Variants in MIPOL1 observed in about 807,000 individuals in gnomAD.
MIPOL1 encodes the protein mirror-image polydactyly gene 1 protein.
In MIPOL1, 57 loss-of-function variants were observed where a neutral mutation model predicts 60.9. The observed-to-expected ratio is 0.94, with a 90% CI of 0.76 to 1.17. The LOEUF (loss-of-function observed/expected upper bound fraction) is 1.17. MIPOL1 is among the 50% of genes most tolerant of loss of function. The pLI, the probability that MIPOL1 is intolerant of heterozygous loss-of-function variation, is 0.00. For missense variants in MIPOL1, 551 were observed against 511.6 expected, an observed-to-expected ratio of 1.08 and a Z score of -0.74; for synonymous variants, 179 against 168.8, an observed-to-expected ratio of 1.06 and a Z score of -0.47.
At chr14:37,235,121 CT>C (rs1249280821) in intron 1 of MIPOL1, among the ~76,000 whole-genome samples, 1 of 152,022 alleles carries the variant, frequency 6.6e-6, no homozygotes, top group East Asian at 1.9e-4. Flanking sequence ...TGTTCCCAAA[CT>C]TTTTTTCATG....
At chr14:37,392,841 T>G (rs1271564258) in intron 10 of MIPOL1, among the ~76,000 whole-genome samples, 3 of 152,160 alleles carry the variant, frequency 2.0e-5, no homozygotes, top group Non-Finnish European at 4.4e-5. Context: ...ATTAAAGAAA[T>G]TAAAGTCTTG....
rs540117016 is a variant in MIPOL1 at position 37,497,812 on chromosome 14, T to A, written c.1032-2096T>A. Among the ~76,000 whole-genome samples, 4 of 152,324 alleles carry A rather than the reference T, an allele frequency of 2.6e-5. No individual in the cohort carries two copies. The South Asian group carries it at 6.2e-4, about 24-fold the overall frequency. ...GGATATAAAGCAATTGAAACTCATA[T>A]TTTGCTGATGGGAGTACAAATTGGT... On this transcript the variant is annotated intron_variant, in intron 11 of 12. Coordinates refer to ENST00000684589, the MANE Select transcript of MIPOL1 (RefSeq NM_001388067.1).
At chr14:37,350,277 G>C (rs1021559893) in intron 9 of MIPOL1, among the ~76,000 whole-genome samples, 1 of 152,060 alleles carries the variant, frequency 6.6e-6, no homozygotes, top group Non-Finnish European at 1.5e-5. Flanking sequence ...TGGTGTCTTG[G>C]AAGGTTCCCT....
intron 11 of MIPOL1, among the ~76,000 whole-genome samples, chr14:37,492,971 T>C (rs963279929): frequency 5.3e-5 from 8 of 152,218 alleles, no homozygotes; most frequent in African/African-American, 1.9e-4. Flanking sequence ...TCTATATTGT[T>C]GTACCTCATC....
Position 37,369,589 on chromosome 14 carries a change from C to T in MIPOL1, c.901C>T (p.Leu301=), listed in dbSNP as rs1334800399. 1 of 1,613,172 alleles carries T rather than the reference C, an allele frequency of 6.2e-7. No individual in the cohort carries two copies. Among genetic ancestry groups the T allele is most frequent in the South Asian group, 1.1e-5 (1 of 91,068 alleles). ...GACTTCAGCAAACAACATGAGACAT[C>T]TGACTGCTGAAAACAATCAAGAACG... ...NQTSANNMRH[L]TAENNQERAL... The change falls in exon 10 of 13, where the codon CTG becomes TTG. Residue 301 remains leucine (L), a synonymous_variant. Transcript: ENST00000684589.
At chr14:37,363,117 T>C (rs564669583) in intron 9 of MIPOL1, among the ~76,000 whole-genome samples, 2 of 152,164 alleles carry the variant, frequency 1.3e-5, no homozygotes, top group African/African-American at 2.4e-5. Flanking sequence ...TCTGTCAGTT[T>C]GTCAAAGTCA....
chr14:37,372,041 G>C (rs1233803199), intron 10 of MIPOL1, among the ~76,000 whole-genome samples: 3 of 151,924 alleles, frequency 2.0e-5, no homozygotes, highest in Non-Finnish European at 4.4e-5. Flanking sequence ...ACGATTCACT[G>C]TCTCTAAAGC....
intron 10 of MIPOL1, among the ~76,000 whole-genome samples, chr14:37,417,248 T>C (rs2093786352): frequency 6.6e-6 from 1 of 152,220 alleles, no homozygotes; most frequent in African/African-American, 2.4e-5. Flanking sequence ...TCACTGCCCA[T>C]GAATCAGTTT....
intron 10 of MIPOL1, among the ~76,000 whole-genome samples, chr14:37,371,173 G>T (rs2092627790): frequency 6.6e-6 from 1 of 150,886 alleles, no homozygotes; most frequent in East Asian, 1.9e-4. Context: ...AGACTGGAGT[G>T]CAGTGGTGTG....
intron 9 of MIPOL1, among the ~76,000 whole-genome samples, chr14:37,310,842 CTG>C (rs1417205131): frequency 6.6e-6 from 1 of 152,068 alleles, no homozygotes; most frequent in Non-Finnish European, 1.5e-5. Flanking sequence ...CACTGGAAGA[CTG>C]TGGAAAACTC....
rs112603254 is a variant in MIPOL1 at position 37,536,535 on chromosome 14, G to A, written c.1263-10370G>A. Among the ~76,000 whole-genome samples the A allele has an allele frequency of 2.6e-4, 39 of 152,286 alleles. 1 individual carries two copies. The highest frequency in any genetic ancestry group is 9.4e-4 in the African/African-American group (39 of 41,564). On this transcript the variant is annotated intron_variant, in intron 12 of 12. Transcript: ENST00000684589. ...CAGGGCAAGTGCTAAGCATCATTAG[G>A]AGGAGAATATGAGGATACTTAGATT...
chr14:37,460,058 G>A (rs920409774), intron 11 of MIPOL1, among the ~76,000 whole-genome samples: 1 of 150,624 alleles, frequency 6.6e-6, no homozygotes, highest in African/African-American at 2.5e-5. Context: ...CAGCCTGGAT[G>A]ACAGCAAGAC....
chr14:37,422,920 G>A lies in MIPOL1; in HGVS notation c.1002G>A (p.Glu334=), dbSNP rs772251053. 3.7e-6 allele frequency: 6 copies of A among 1,608,320 alleles called. No individual in the cohort carries two copies. The African/African-American group carries it at 8.0e-5, about 22-fold the overall frequency. Residue 334 remains glutamate, a synonymous_variant, in exon 11 of 13, where the codon GAG becomes GAA. Transcript: ENST00000684589. The part of the protein sequence containing the change: ...TAVQQYKKLE[E]EIQTLRVYYS... ...TTCAACAGTACAAAAAACTGGAAGA[G>A]GAAATCCAGACCCTTCGAGTTTACT...
chr14:37,527,281 T>C (rs2095453896), intron 12 of MIPOL1, among the ~76,000 whole-genome samples: 1 of 152,078 alleles, frequency 6.6e-6, no homozygotes, highest in South Asian at 2.1e-4. Context: ...TAAATTGTGG[T>C]ATTTTATGAT....
chr14:37,397,750 T>TG (rs2093402855), intron 10 of MIPOL1, among the ~76,000 whole-genome samples: 1 of 152,000 alleles, frequency 6.6e-6, no homozygotes, highest in South Asian at 2.1e-4. Flanking sequence ...GTCAGGAAAG[T>TG]GGGGAAAGCT....
At chr14:37,359,146 G>A (rs2092054984) in intron 9 of MIPOL1, among the ~76,000 whole-genome samples, 1 of 152,068 alleles carries the variant, frequency 6.6e-6, no homozygotes, top group South Asian at 2.1e-4. Context: ...ATGGTTGTAG[G>A]TGTGTGGTGT....
intron 11 of MIPOL1, among the ~76,000 whole-genome samples, chr14:37,423,343 A>T (rs1045075796): frequency 1.3e-5 from 2 of 150,450 alleles, no homozygotes; most frequent in Non-Finnish European, 3.0e-5. Flanking sequence ...ATATTTTAAA[A>T]CACACATGAG....
intron 7 of MIPOL1, among the ~76,000 whole-genome samples, chr14:37,289,532 C>T (rs764424341): frequency 3.3e-5 from 5 of 152,124 alleles, no homozygotes; most frequent in South Asian, 2.1e-4. Context: ...ATCTTACTTA[C>T]GTTTATTAAA....
At chr14:37,381,115 A>G (rs1255942798) in intron 10 of MIPOL1, among the ~76,000 whole-genome samples, 1 of 152,000 alleles carries the variant, frequency 6.6e-6, no homozygotes, top group Admixed American at 6.6e-5. Context: ...TCATAAGAAA[A>G]TGTTCACTGA....
Sources: gnomAD v4.1 joint callset for allele counts (sites outside exome capture counted in the v4.1 genomes callset) on GRCh38, gnomAD v4.1.1 for gene constraint, MANE v1.5 for transcripts, NCBI Gene and HGNC (gene_info 2026-07-23, HGNC 2026-07-21) for gene names.